PKNOX2: variants seen among roughly 807,000 people sequenced by gnomAD.
PKNOX2 encodes the protein PBX/knotted 1 homeobox 2, also known as homeobox protein PKNOX2.
Under a neutral mutation model 53.1 loss-of-function variants are expected in PKNOX2, and 14 were observed. That is an observed-to-expected ratio of 0.26 (90% CI 0.17 to 0.41). PKNOX2 has a LOEUF of 0.41. PKNOX2 is among the 10% of genes least tolerant of loss of function. The pLI is 1.00. For missense variants in PKNOX2, 496 were observed against 602.8 expected, an observed-to-expected ratio of 0.82 and a Z score of 1.85; for synonymous variants, 257 against 242.8, an observed-to-expected ratio of 1.06 and a Z score of -0.54.
intron 4 of PKNOX2, among the ~76,000 whole-genome samples, chr11:125,358,341 A>T (rs1205402997): frequency 6.6e-6 from 1 of 152,196 alleles, no homozygotes; most frequent in Non-Finnish European, 1.5e-5. Context: ...GGACTATTAC[A>T]AAAGGGAAGG....
intron 1 of PKNOX2, among the ~76,000 whole-genome samples, chr11:125,234,709 T>G (rs1227038575): frequency 6.6e-6 from 1 of 151,712 alleles, no homozygotes; most frequent in East Asian, 1.9e-4. Context: ...ATTATTACCT[T>G]GGTCAGCTCA....
In PKNOX2 at chr11:125,243,623, C is replaced by CT. The variant is rs1284507032; in HGVS notation, c.-130+8525dup. Reference sequence around the variant, plus strand: ...TCTATCACAGTATACCTGGGACTTTCTTTTTTTTTTTTTTTTTGAGATAGG... The same window carrying CT: ...TCTATCACAGTATACCTGGGACTTTCTTTTTTTTTTTTTTTTTTGAGATAGG... On this transcript the variant is annotated intron_variant, in intron 2 of 12. Transcript: ENST00000298282. Among the ~76,000 whole-genome samples, 1,365 of 138,426 alleles carry CT rather than the reference C, an allele frequency of 9.9e-3. 21 individuals are homozygous for CT. The highest frequency in any genetic ancestry group is 0.022 in the African/African-American group (812 of 37,580). The allele number at this position is 138,426 out of a possible 152,430, so 90.8% of individuals were successfully genotyped here.
intron 1 of PKNOX2, among the ~76,000 whole-genome samples, chr11:125,172,917 T>TGG (rs1263555593): frequency 2.0e-5 from 3 of 152,190 alleles, no homozygotes; most frequent in Non-Finnish European, 2.9e-5. Flanking sequence ...GATGGCTCCA[T>TGG]GAGGCAGCAA....
At chr11:125,234,362 C>T (rs1942490446) in intron 1 of PKNOX2, among the ~76,000 whole-genome samples, 1 of 152,196 alleles carries the variant, frequency 6.6e-6, no homozygotes, top group African/African-American at 2.4e-5. Context: ...ACAGAGCAGA[C>T]AACTGATAAA....
Position 125,431,302 on chromosome 11 carries a change from G to A in PKNOX2, c.1329G>A (p.Glu443=). ...EEEDEDEMEE[E]EEEELEEEVD... ...AGGATGAGGATGAGATGGAAGAGGA[G>A]GAGGAGGAGGAGCTGGAGGAGGAGG... is the stretch of plus-strand genomic sequence containing the variant. The change falls in exon 13 of 13, where the codon GAG becomes GAA. Residue 443 remains glutamate (E), a synonymous_variant. Transcript: ENST00000298282. The A allele has an allele frequency of 6.2e-7, 1 of 1,607,600 alleles. No homozygotes were observed. Among genetic ancestry groups the A allele is most frequent in the South Asian group, 1.1e-5 (1 of 90,884 alleles).
At chr11:125,362,613 C>T (rs1951985838) in intron 4 of PKNOX2, among the ~76,000 whole-genome samples, 1 of 152,202 alleles carries the variant, frequency 6.6e-6, no homozygotes, top group Admixed American at 6.5e-5. Context: ...TCAAGCAATC[C>T]TCCCACTTCA....
chr11:125,390,536 T>G (rs1182027175), intron 6 of PKNOX2, among the ~76,000 whole-genome samples: 2 of 152,258 alleles, frequency 1.3e-5, no homozygotes, highest in Non-Finnish European at 2.9e-5. Context: ...ATGTAAATTC[T>G]TCAGTGTCTC....
At chr11:125,252,190 G>C (rs1038122112) in intron 2 of PKNOX2, among the ~76,000 whole-genome samples, 1 of 152,214 alleles carries the variant, frequency 6.6e-6, no homozygotes, top group Non-Finnish European at 1.5e-5. Context: ...TCCAGGCAGA[G>C]GGAGCTTGGT....
At chr11:125,249,054 T>C (rs1366651150) in intron 2 of PKNOX2, among the ~76,000 whole-genome samples, 1 of 146,970 alleles carries the variant, frequency 6.8e-6, no homozygotes, top group Non-Finnish European at 1.5e-5. Flanking sequence ...ATATATTATA[T>C]ATAATATATA....
At chr11:125,354,847 C>T (rs151281023) in intron 4 of PKNOX2, among the ~76,000 whole-genome samples, 2 of 152,016 alleles carry the variant, frequency 1.3e-5, no homozygotes, top group African/African-American at 2.4e-5. Flanking sequence ...CCAAGTGATA[C>T]GATGGCTAAG....
chr11:125,189,355 T>TTA (rs35103348), intron 1 of PKNOX2, among the ~76,000 whole-genome samples: 43,881 of 121,750 alleles, frequency 0.36, 8,811 homozygotes, highest in East Asian at 0.46. Context: ...GAAATTCTAA[T>TTA]TATATATATA....
intron 2 of PKNOX2, among the ~76,000 whole-genome samples, chr11:125,302,417 G>T (rs1948139465): frequency 6.6e-6 from 1 of 152,162 alleles, no homozygotes; most frequent in Non-Finnish European, 1.5e-5. Flanking sequence ...CTCTGATGCT[G>T]ATGGGTGCAA....
intron 2 of PKNOX2, among the ~76,000 whole-genome samples, chr11:125,319,593 G>A (rs1359536748): frequency 1.3e-5 from 2 of 152,152 alleles, no homozygotes; most frequent in African/African-American, 2.4e-5. Context: ...TTGTCCACAT[G>A]GAGTTTTATA....
At chr11:125,332,302 G>C (rs544944031) in intron 3 of PKNOX2, among the ~76,000 whole-genome samples, 1 of 151,998 alleles carries the variant, frequency 6.6e-6, no homozygotes, top group Non-Finnish European at 1.5e-5. Flanking sequence ...GGGGTGGGGG[G>C]TTCCTTAAAA....
chr11:125,411,190 C>G (rs890300804), intron 9 of PKNOX2: 1 of 317,026 alleles, frequency 3.2e-6, no homozygotes, highest in Non-Finnish European at 6.0e-6. Context: ...GATCGGAAGT[C>G]AGAGTCTGGG....
At chr11:125,304,492 G>A (rs1030776261) in intron 2 of PKNOX2, among the ~76,000 whole-genome samples, 2 of 152,238 alleles carry the variant, frequency 1.3e-5, no homozygotes, top group African/African-American at 4.8e-5. Context: ...GGGCACGTGG[G>A]AAGGGGAGGG....
chr11:125,303,295 G>T (rs151186738), intron 2 of PKNOX2, among the ~76,000 whole-genome samples: 2 of 152,146 alleles, frequency 1.3e-5, no homozygotes, highest in African/African-American at 4.8e-5. Context: ...CAAGTGTTAC[G>T]TCACCCTCAC....
Position 125,411,872 on chromosome 11 carries a change from G to A in PKNOX2, c.936+7G>A. On this transcript the variant is annotated splice_region_variant and intron_variant, in intron 10 of 12. Coordinates refer to ENST00000298282, the MANE Select transcript of PKNOX2 (RefSeq NM_001382323.2). ...GCTCTTCCAGCATCTCATGGTGAGT[G>A]TGTGTGTCTTGGGGGTGTGGAGTCC... 1 of 1,614,112 alleles carries A rather than the reference G, an allele frequency of 6.2e-7. No individual in the cohort carries two copies. Among genetic ancestry groups the A allele is most frequent in the Non-Finnish European group, 8.5e-7 (1 of 1,179,980 alleles).
chr11:125,307,022 C>A (rs2135986244), intron 2 of PKNOX2, among the ~76,000 whole-genome samples: 1 of 152,298 alleles, frequency 6.6e-6, no homozygotes, highest in South Asian at 2.1e-4. Flanking sequence ...ACACTTTATA[C>A]TCACCTCTGC....
Sources: allele counts gnomAD v4.1 joint callset (sites outside exome capture counted in the v4.1 genomes callset), GRCh38; gene constraint gnomAD v4.1.1; transcripts MANE v1.5; gene names NCBI Gene and HGNC (gene_info 2026-07-23, HGNC 2026-07-21).